Variants in ST18 observed in about 807,000 individuals in gnomAD.
ST18 encodes the protein suppression of tumorigenicity 18 protein.
In ST18, 50 loss-of-function variants were observed where a neutral mutation model predicts 110.0. The observed-to-expected ratio is 0.45, with a 90% CI of 0.36 to 0.58. The LOEUF (loss-of-function observed/expected upper bound fraction) is 0.58, where lower values mean the gene tolerates loss of function less well. ST18 is among the 20% of genes least tolerant of loss of function. ST18 has a pLI of 0.00. For missense variants in ST18, 1,306 were observed against 1,280.1 expected, an observed-to-expected ratio of 1.02 and a Z score of -0.31; for synonymous variants, 461 against 452.4, an observed-to-expected ratio of 1.02 and a Z score of -0.24.
Position 52,149,985 on chromosome 8 carries a change from A to G in ST18, c.1807-8T>C. On this transcript the variant is annotated splice_polypyrimidine_tract_variant and splice_region_variant and intron_variant, in intron 15 of 25. Transcript: ENST00000689386. ...CACTTCTATTTCGGCTCCCTGGTATACAATAGGAAACAGAAAAACATTTAA... is the reference window on the plus strand; with the variant it reads ...CACTTCTATTTCGGCTCCCTGGTATGCAATAGGAAACAGAAAAACATTTAA... The G allele has an allele frequency of 6.2e-7, 1 of 1,607,510 alleles. No individual in the cohort carries two copies. The highest frequency in any genetic ancestry group is 8.5e-7 in the Non-Finnish European group (1 of 1,176,546).
intron 10 of ST18, among the ~76,000 whole-genome samples, chr8:52,168,409 G>A (rs929619380): frequency 3.9e-5 from 6 of 151,962 alleles, no homozygotes; most frequent in African/African-American, 1.5e-4. Flanking sequence ...AGACATTTCC[G>A]GGGTGCTGTA....
At chr8:52,273,753 C>G (rs2095150819) in intron 2 of ST18, among the ~76,000 whole-genome samples, 1 of 152,160 alleles carries the variant, frequency 6.6e-6, no homozygotes, top group Admixed American at 6.5e-5. Flanking sequence ...TGCTACTTTA[C>G]AGATTGATCT....
intron 2 of ST18, among the ~76,000 whole-genome samples, chr8:52,354,375 G>A (rs1352851869): frequency 6.6e-6 from 1 of 152,168 alleles, no homozygotes; most frequent in Non-Finnish European, 1.5e-5. Context: ...TCAGATTCAG[G>A]ATATGATATT....
In ST18 at chr8:52,198,085, G is replaced by A. The variant is rs146578761; in HGVS notation, c.86+13994C>T. ...GCTGGAGTGCAATGTGCAGTGGCGC[G>A]ATCTCGGCTCACTGCAACCTTCGTG... is the stretch of plus-strand genomic sequence containing the variant. On this transcript the variant is annotated intron_variant, in intron 8 of 25. Transcript: ENST00000689386. Among the ~76,000 whole-genome samples, 518 of 152,228 alleles carry A rather than the reference G, an allele frequency of 3.4e-3. 2 individuals are homozygous for A. The highest frequency in any genetic ancestry group is 0.012 in the African/African-American group (482 of 41,526).
intron 2 of ST18, among the ~76,000 whole-genome samples, chr8:52,310,817 G>A (rs1374804443): frequency 1.3e-5 from 2 of 149,480 alleles, no homozygotes; most frequent in African/African-American, 4.9e-5. Context: ...GGAGTCTTGG[G>A]AGCCATGAGC....
chr8:52,335,443 A>G (rs368695395), intron 2 of ST18, among the ~76,000 whole-genome samples: 1 of 152,168 alleles, frequency 6.6e-6, no homozygotes, highest in South Asian at 2.1e-4. Flanking sequence ...AAAAGTTTCA[A>G]ATTTCAGATA....
chr8:52,364,687 C>T (rs996277117), intron 2 of ST18, among the ~76,000 whole-genome samples: 14 of 152,174 alleles, frequency 9.2e-5, no homozygotes, highest in African/African-American at 3.1e-4. Flanking sequence ...ATCATCTTTT[C>T]TTGCTCAAGA....
chr8:52,123,236 A>G (rs1464054661), intron 23 of ST18, among the ~76,000 whole-genome samples: 1 of 152,222 alleles, frequency 6.6e-6, no homozygotes, highest in African/African-American at 2.4e-5. Flanking sequence ...ATATTCCCCT[A>G]AAATATTATC....
chr8:52,322,114 G>A (rs1284590753), intron 2 of ST18, among the ~76,000 whole-genome samples: 2 of 152,182 alleles, frequency 1.3e-5, no homozygotes, highest in African/African-American at 4.8e-5. Flanking sequence ...AACAAGTTGG[G>A]TCAGTTAGGG....
At chr8:52,158,132 T>C (rs2060476938) in intron 15 of ST18, among the ~76,000 whole-genome samples, 1 of 152,188 alleles carries the variant, frequency 6.6e-6, no homozygotes, top group Non-Finnish European at 1.5e-5. Context: ...GACTGTGGCA[T>C]CAGAAGCCCT....
chr8:52,322,931 A>T (rs1804662401), intron 2 of ST18, among the ~76,000 whole-genome samples: 2 of 152,222 alleles, frequency 1.3e-5, no homozygotes, highest in Admixed American at 1.3e-4. Flanking sequence ...CCACCAAAGG[A>T]ATCAGCAACT....
At chr8:52,320,995 A>C (rs1803654423) in intron 2 of ST18, among the ~76,000 whole-genome samples, 1 of 152,246 alleles carries the variant, frequency 6.6e-6, no homozygotes, top group African/African-American at 2.4e-5. Flanking sequence ...TACCTTTGAC[A>C]TCATGTTTTA....
At chr8:52,205,973 T>C (rs1208763046) in intron 8 of ST18, among the ~76,000 whole-genome samples, 1 of 152,166 alleles carries the variant, frequency 6.6e-6, no homozygotes, top group African/African-American at 2.4e-5. Context: ...ATTGATAAAA[T>C]TTAAATTAAT....
chr8:52,270,320 G>A (rs2095032283), intron 2 of ST18, among the ~76,000 whole-genome samples: 2 of 152,144 alleles, frequency 1.3e-5, no homozygotes, highest in Non-Finnish European at 2.9e-5. Flanking sequence ...TCTGTGATAA[G>A]CTCAATCATT....
chr8:52,210,340 C>T (rs1318763564), intron 8 of ST18, among the ~76,000 whole-genome samples: 1 of 152,106 alleles, frequency 6.6e-6, no homozygotes. Context: ...TACTATATGT[C>T]CTGTTCTTAT....
intron 8 of ST18, among the ~76,000 whole-genome samples, chr8:52,192,495 C>A (rs2074866449): frequency 6.6e-6 from 1 of 152,192 alleles, no homozygotes; most frequent in African/African-American, 2.4e-5. Context: ...CTATCACACA[C>A]CACAGAGCCC....
chr8:52,388,973 T>TTAA (rs1554865844), intron 2 of ST18, among the ~76,000 whole-genome samples: 45 of 142,712 alleles, frequency 3.2e-4, no homozygotes, highest in South Asian at 1.8e-3. Flanking sequence ...AATAATAATT[T>TTAA]AAAAAAAAAA....
chr8:52,237,886 A>G (rs2092900501), intron 2 of ST18, among the ~76,000 whole-genome samples: 1 of 152,194 alleles, frequency 6.6e-6, no homozygotes, highest in South Asian at 2.1e-4. Flanking sequence ...AGACAACCCA[A>G]TCAAAAGTGG....
intron 23 of ST18, among the ~76,000 whole-genome samples, chr8:52,121,296 G>C (rs984470459): frequency 1.3e-5 from 2 of 152,148 alleles, no homozygotes; most frequent in Non-Finnish European, 2.9e-5. Flanking sequence ...CATTGTCATG[G>C]GATCTAATAC....
Sources: allele counts gnomAD v4.1 joint callset (sites outside exome capture counted in the v4.1 genomes callset), GRCh38; gene constraint gnomAD v4.1.1; transcripts MANE v1.5; gene names NCBI Gene and HGNC (gene_info 2026-07-23, HGNC 2026-07-21).